The following MYO3B variants were observed in gnomAD, a reference collection of about 807,000 sequenced individuals.
The protein encoded by MYO3B is myosin IIIB, also known as myosin-IIIb.
MYO3B carries 156 observed loss-of-function variants against 174.6 expected under a neutral mutation model. That is an observed-to-expected ratio of 0.89 (90% confidence interval 0.78 to 1.02). The LOEUF (loss-of-function observed/expected upper bound fraction) is 1.02. Ranked by LOEUF, MYO3B falls within the 50% of genes least tolerant of loss-of-function variation. MYO3B has a pLI of 0.00. For missense variants in MYO3B, 1,632 were observed against 1,639.4 expected (o/e 1.00, Z 0.08); for synonymous variants, 563 against 569.1 (o/e 0.99, Z 0.15).
At chr2:170,465,867 C>A (rs1684591238) in intron 24 of MYO3B, among the ~76,000 whole-genome samples, 1 of 152,178 alleles carries the variant, frequency 6.6e-6, no homozygotes, top group Non-Finnish European at 1.5e-5. Context: ...AGAGCTCCAG[C>A]AGTGGATGCC....
At chr2:170,312,370 G>C (rs2093745923) in intron 7 of MYO3B, among the ~76,000 whole-genome samples, 1 of 152,266 alleles carries the variant, frequency 6.6e-6, no homozygotes, top group Admixed American at 6.5e-5. Flanking sequence ...TATGAGCACT[G>C]AGTGTGAGAA....
At chr2:170,620,725 C>T (rs550392337) in intron 32 of MYO3B, among the ~76,000 whole-genome samples, 5 of 152,172 alleles carry the variant, frequency 3.3e-5, no homozygotes, top group Non-Finnish European at 7.3e-5. Context: ...GTTGAAGAAC[C>T]CTGAGCTTAG....
At chr2:170,426,216 G>C (rs1336493389) in intron 22 of MYO3B, among the ~76,000 whole-genome samples, 1 of 151,666 alleles carries the variant, frequency 6.6e-6, no homozygotes, top group Non-Finnish European at 1.5e-5. Flanking sequence ...GCTCATGCCT[G>C]TAATCACAGC....
chr2:170,302,614 C>T (rs1168733542), intron 7 of MYO3B, among the ~76,000 whole-genome samples: 3 of 152,168 alleles, frequency 2.0e-5, no homozygotes, highest in Non-Finnish European at 4.4e-5. Context: ...AAAGTTTATT[C>T]CAGTTCGTTC....
chr2:170,416,060 A>C (rs571830276), intron 22 of MYO3B, among the ~76,000 whole-genome samples: 2 of 152,264 alleles, frequency 1.3e-5, no homozygotes, highest in African/African-American at 4.8e-5. Flanking sequence ...AATATAAATG[A>C]TGTTCTTATA....
intron 1 of MYO3B, among the ~76,000 whole-genome samples, chr2:170,196,194 T>C (rs1350781293): frequency 6.6e-6 from 1 of 152,210 alleles, no homozygotes; most frequent in East Asian, 1.9e-4. Flanking sequence ...GCCTGATTAT[T>C]TCTCCTACTT....
intron 30 of MYO3B, among the ~76,000 whole-genome samples, chr2:170,540,485 G>A (rs892114037): frequency 5.9e-5 from 9 of 151,534 alleles, no homozygotes; most frequent in African/African-American, 1.7e-4. Context: ...TTGCTATATT[G>A]CCCAAGCTAA....
At chr2:170,556,251 T>C (rs1045014307) in intron 32 of MYO3B, among the ~76,000 whole-genome samples, 1 of 152,174 alleles carries the variant, frequency 6.6e-6, no homozygotes, top group Non-Finnish European at 1.5e-5. Context: ...CTTAATATCT[T>C]GGTTGCTTCC....
intron 7 of MYO3B, among the ~76,000 whole-genome samples, chr2:170,316,538 G>A (rs1001352950): frequency 4.6e-5 from 7 of 152,226 alleles, no homozygotes; most frequent in Non-Finnish European, 7.3e-5. Flanking sequence ...ATGACCTATG[G>A]AGGATGCCAT....
At chr2:170,471,990 TAA>T (rs533804427) in intron 25 of MYO3B, among the ~76,000 whole-genome samples, 11 of 128,006 alleles carry the variant, frequency 8.6e-5, no homozygotes, top group African/African-American at 5.7e-5. Flanking sequence ...AAACTCTGTC[TAA>T]AAAAAAAAAA....
At chr2:170,378,293 C>T (rs1574878856) in intron 9 of MYO3B, among the ~76,000 whole-genome samples, 1 of 152,244 alleles carries the variant, frequency 6.6e-6, no homozygotes, top group African/African-American at 2.4e-5. Context: ...CCAAAGAACA[C>T]TAGTTGTGGA....
intron 32 of MYO3B, among the ~76,000 whole-genome samples, chr2:170,549,580 C>T (rs1690749429): frequency 6.6e-6 from 1 of 152,134 alleles, no homozygotes; most frequent in East Asian, 1.9e-4. Flanking sequence ...TAGTTTTTGG[C>T]AGCAATTCAG....
At chr2:170,630,690 C>G (rs546778813) in intron 32 of MYO3B, among the ~76,000 whole-genome samples, 2 of 152,182 alleles carry the variant, frequency 1.3e-5, no homozygotes, top group South Asian at 2.1e-4. Flanking sequence ...CCCTCTGAGA[C>G]GAAGCTTCAG....
At chr2:170,546,632 A>G (rs188478481) in intron 32 of MYO3B, among the ~76,000 whole-genome samples, 1 of 152,370 alleles carries the variant, frequency 6.6e-6, no homozygotes, top group East Asian at 1.9e-4. Flanking sequence ...GATCTTAGAA[A>G]ACGACAAAGA....
chr2:170,637,172 T>C (rs1445546732), intron 32 of MYO3B, among the ~76,000 whole-genome samples: 1 of 5,628 alleles, frequency 1.8e-4, no homozygotes, highest in Non-Finnish European at 3.8e-4. Context: ...GAGTGTAGGG[T>C]TTTTTTTTTT....
At chr2:170,312,401 A>G (rs1175571886) in intron 7 of MYO3B, among the ~76,000 whole-genome samples, 1 of 152,244 alleles carries the variant, frequency 6.6e-6, no homozygotes, top group Non-Finnish European at 1.5e-5. Context: ...AATATTTAGT[A>G]CAGCTCCTGG....
At chr2:170,418,943 C>T (rs2105849281) in intron 22 of MYO3B, among the ~76,000 whole-genome samples, 1 of 152,246 alleles carries the variant, frequency 6.6e-6, no homozygotes. Context: ...GGGAACTGTC[C>T]CATTTTGAGT....
chr2:170,326,624 T>C (rs569695776), intron 7 of MYO3B, among the ~76,000 whole-genome samples: 10 of 152,360 alleles, frequency 6.6e-5, no homozygotes, highest in Admixed American at 6.5e-4. Context: ...TGTCCTTGAC[T>C]TTCTCCTGCA....
At chr2:170,564,919 C>T (rs189108767) in intron 32 of MYO3B, among the ~76,000 whole-genome samples, 1 of 151,624 alleles carries the variant, frequency 6.6e-6, no homozygotes, top group African/African-American at 2.4e-5. Context: ...CTTTTAATAT[C>T]CAATTAAAAT....
Sources: allele counts gnomAD v4.1 joint callset (sites outside exome capture counted in the v4.1 genomes callset), GRCh38; gene constraint gnomAD v4.1.1; transcripts MANE v1.5; gene names NCBI Gene and HGNC (gene_info 2026-07-23, HGNC 2026-07-21).